The following SH3BGRL2 variants were observed in gnomAD, a reference collection of about 807,000 sequenced individuals.
SH3BGRL2 encodes SH3 domain-binding glutamic acid-rich-like protein 2.
In SH3BGRL2, 21 loss-of-function variants were observed where a neutral mutation model predicts 14.8. The observed-to-expected ratio is 1.42, with a 90% CI of 1.01 to 2.05. The LOEUF is 2.05. Among genes scored for constraint, SH3BGRL2 ranks in the 30% most tolerant of loss-of-function variants. SH3BGRL2 has a pLI of 0.00. For synonymous variants in SH3BGRL2, 50 were observed against 47.8 expected, an observed-to-expected ratio of 1.05 and a Z score of -0.19; for missense variants, 147 against 130.8, an observed-to-expected ratio of 1.12 and a Z score of -0.61.
the SH3BGRL2 span, among the ~76,000 whole-genome samples, chr6:79,569,424 G>T: frequency 0.12 from 18,609 of 152,212 alleles, 1,258 homozygotes; most frequent in African/African-American, 0.14. Context: ...CCTGGTAAGG[G>T]AAAGAGATTC....
At chr6:79,607,754 G>A in the SH3BGRL2 span, among the ~76,000 whole-genome samples, 13 of 152,100 alleles carry the variant, frequency 8.5e-5, no homozygotes, top group Non-Finnish European at 1.5e-4. Context: ...AGACCAGCCT[G>A]GCCAACATGG....
Position 79,703,262 on chromosome 6 carries a change from G to T in SH3BGRL2, c.*3753G>T, listed in dbSNP as rs1392426986. On this transcript the variant is annotated 3_prime_UTR_variant, in exon 4 of 4. Coordinates refer to ENST00000369838, the MANE Select transcript of SH3BGRL2 (RefSeq NM_031469.4). ...AGAAACAAAGCAGCAGTTTTAGCCA[G>T]GGTTCAATGATAGAGTGGAGGTAAA... The T allele has an allele frequency of 1.3e-5, 2 of 152,140 alleles. No homozygotes were observed. Among genetic ancestry groups the T allele is most frequent in the Admixed American group, 6.5e-5 (1 of 15,282 alleles). 9.4% of individuals were successfully genotyped at this position (152,140 alleles called of 1,614,324 possible).
rs550501255 is a variant in SH3BGRL2 at position 79,672,966 on chromosome 6, C to T, written c.46-648C>T. On this transcript the variant is annotated intron_variant, in intron 1 of 3. Coordinates refer to ENST00000369838, the MANE Select transcript of SH3BGRL2 (RefSeq NM_031469.4). Reference sequence around the variant, plus strand: ...TCTCCTGTGAACTGATGAAAGGATGCTTTCATGGTAGTGGCTACAGCTGTG... The same window carrying T: ...TCTCCTGTGAACTGATGAAAGGATGTTTTCATGGTAGTGGCTACAGCTGTG... 8.5e-5 allele frequency among the ~76,000 whole-genome samples: 13 copies of T among 152,250 alleles called. No homozygotes were observed. In the South Asian group the frequency reaches 2.7e-3, roughly 32 times the overall value.
chr6:79,678,895 T>C (rs566626205), intron 2 of SH3BGRL2, among the ~76,000 whole-genome samples: 3 of 152,312 alleles, frequency 2.0e-5, no homozygotes, highest in Admixed American at 6.5e-5. Flanking sequence ...CTGTGTTAAT[T>C]TGCTTAGGAT....
At chr6:79,642,012 G>A (rs1769042963) in intron 1 of SH3BGRL2, among the ~76,000 whole-genome samples, 2 of 152,190 alleles carry the variant, frequency 1.3e-5, no homozygotes, top group Admixed American at 1.3e-4. Flanking sequence ...GGCATGTTGT[G>A]CACGACCCAT....
At chr6:79,604,404 C>T in the SH3BGRL2 span, among the ~76,000 whole-genome samples, 1 of 152,182 alleles carries the variant, frequency 6.6e-6, no homozygotes. Context: ...TCTCATTTAT[C>T]AGGTAAGCAC....
the SH3BGRL2 span, among the ~76,000 whole-genome samples, chr6:79,538,185 T>A: frequency 6.6e-6 from 1 of 151,912 alleles, no homozygotes; most frequent in Non-Finnish European, 1.5e-5. Context: ...GGCTTTAAAC[T>A]GCTCCGAGCC....
At position 79,631,516 on chromosome 6, in the gene SH3BGRL2, G is replaced by A. The variant is rs1768823662; in HGVS notation, c.45+10G>A. 2.1e-6 allele frequency: 3 copies of A among 1,458,338 alleles called. No individual in the cohort carries two copies. Among genetic ancestry groups the A allele is most frequent in the Non-Finnish European group, 1.8e-6 (2 of 1,099,312 alleles). 90.3% of individuals were successfully genotyped at this position (1,458,338 alleles called of 1,614,324 possible). On this transcript the variant is annotated intron_variant, in intron 1 of 3. Transcript: ENST00000369838. ...CTCGGGCTTCGTGGCGGTGAGCGCGGTGGGGGCGGGCAGTAGGTTGGGGTC... is the reference window on the plus strand; with the variant it reads ...CTCGGGCTTCGTGGCGGTGAGCGCGATGGGGGCGGGCAGTAGGTTGGGGTC...
the SH3BGRL2 span, among the ~76,000 whole-genome samples, chr6:79,568,938 A>G: frequency 6.6e-6 from 1 of 152,162 alleles, no homozygotes; most frequent in African/African-American, 2.4e-5. Flanking sequence ...AAAGAGTCAA[A>G]CTGTAGAATA....
At chr6:79,541,890 T>A in the SH3BGRL2 span, among the ~76,000 whole-genome samples, 1 of 152,206 alleles carries the variant, frequency 6.6e-6, no homozygotes, top group African/African-American at 2.4e-5. Context: ...TAAGAAAAAC[T>A]CTTGTAATTA....
At chr6:79,542,032 C>G in the SH3BGRL2 span, among the ~76,000 whole-genome samples, 1 of 152,116 alleles carries the variant, frequency 6.6e-6, no homozygotes, top group Non-Finnish European at 1.5e-5. Flanking sequence ...TAGAGAGTGT[C>G]TCATACTTAC....
intron 1 of SH3BGRL2, among the ~76,000 whole-genome samples, chr6:79,666,934 A>C (rs1213042125): frequency 6.6e-6 from 1 of 152,250 alleles, no homozygotes. Flanking sequence ...CAGAGGCCAC[A>C]TCTAGGGCAA....
intron 2 of SH3BGRL2, 56 bp downstream of exon 2, chr6:79,673,855 A>T: frequency 6.5e-7 from 1 of 1,549,696 alleles, no homozygotes; most frequent in Non-Finnish European, 8.7e-7. Context: ...AACACATGCC[A>T]CCTAGAGTGC....
At chr6:79,615,467 G>A in the SH3BGRL2 span, among the ~76,000 whole-genome samples, 1 of 152,098 alleles carries the variant, frequency 6.6e-6, no homozygotes, top group Non-Finnish European at 1.5e-5. Context: ...CTTTGGAGGG[G>A]CACCCAGAAG....
chr6:79,550,356 C>G, the SH3BGRL2 span, among the ~76,000 whole-genome samples: 76,867 of 151,858 alleles, frequency 0.51, 20,748 homozygotes, highest in East Asian at 0.79. Flanking sequence ...CTGTCTACTG[C>G]AATGGAAAGT....
intron 2 of SH3BGRL2, among the ~76,000 whole-genome samples, chr6:79,687,224 GTTC>G (rs1562158309): frequency 6.6e-6 from 1 of 152,048 alleles, no homozygotes; most frequent in Non-Finnish European, 1.5e-5. Context: ...GGGAAGGACT[GTTC>G]TTCTATTGGT....
At chr6:79,635,707 T>G (rs1294200151) in intron 1 of SH3BGRL2, among the ~76,000 whole-genome samples, 1 of 152,198 alleles carries the variant, frequency 6.6e-6, no homozygotes, top group Non-Finnish European at 1.5e-5. Flanking sequence ...CAACCATCAC[T>G]GGGAGCAAAA....
At chr6:79,697,110 A>G (rs1380668148) in intron 3 of SH3BGRL2, among the ~76,000 whole-genome samples, 1 of 152,184 alleles carries the variant, frequency 6.6e-6, no homozygotes, top group Non-Finnish European at 1.5e-5. Context: ...GATGTGTGTT[A>G]TCACAACTTT....
chr6:79,687,445 A>G (rs1236252062), intron 2 of SH3BGRL2, among the ~76,000 whole-genome samples: 1 of 152,110 alleles, frequency 6.6e-6, no homozygotes, highest in Non-Finnish European at 1.5e-5. Context: ...TTAAACATGA[A>G]TTAGGAATTT....
Sources: gnomAD v4.1 joint callset for allele counts (sites outside exome capture counted in the v4.1 genomes callset) on GRCh38, gnomAD v4.1.1 for gene constraint, MANE v1.5 for transcripts, NCBI Gene and HGNC (gene_info 2026-07-23, HGNC 2026-07-21) for gene names.